ABHD17B: variants seen among roughly 807,000 people sequenced by gnomAD.
ABHD17B encodes the protein alpha/beta hydrolase domain-containing protein 17B.
In ABHD17B, 9 loss-of-function variants were observed where a neutral mutation model predicts 26.2. The ratio of observed to expected loss-of-function variants is 0.34; its 90% confidence interval spans 0.21 to 0.60. ABHD17B has a LOEUF of 0.60. Among genes scored for constraint, ABHD17B ranks in the 20% least tolerant of loss-of-function variants. The probability of loss-of-function intolerance (pLI) is 0.80; values close to 1 mark genes in which losing one functional copy is unlikely to be tolerated. For synonymous variants in ABHD17B, 127 were observed against 122.3 expected, an observed-to-expected ratio of 1.04 and a Z score of -0.25; for missense variants, 224 against 352.1, an observed-to-expected ratio of 0.64 and a Z score of 2.91.
chr9:71,889,924 T>TA (rs1277434023), intron 1 of ABHD17B, among the ~76,000 whole-genome samples: 2 of 151,960 alleles, frequency 1.3e-5, no homozygotes, highest in East Asian at 1.9e-4. Context: ...ACTCATTTTT[T>TA]AAAAAAATCC....
At chr9:71,864,761 T>C (rs1465582989), downstream of ABHD17B, among the ~76,000 whole-genome samples, 1 of 152,158 alleles carries the variant, frequency 6.6e-6, no homozygotes, top group East Asian at 1.9e-4. Context: ...CTTATCAAAA[T>C]AGTAATATTT....
intron 1 of ABHD17B, among the ~76,000 whole-genome samples, chr9:71,884,130 C>A (rs1015539228): frequency 6.6e-6 from 1 of 151,976 alleles, no homozygotes; most frequent in Non-Finnish European, 1.5e-5. Flanking sequence ...CTCAACCTCA[C>A]CAACTATCAG....
intron 1 of ABHD17B, among the ~76,000 whole-genome samples, chr9:71,886,806 C>T (rs958177981): frequency 2.0e-5 from 3 of 152,082 alleles, no homozygotes; most frequent in Non-Finnish European, 4.4e-5. Context: ...AAAAAGTCAG[C>T]TCTGCTTGAA....
intron 1 of ABHD17B, among the ~76,000 whole-genome samples, chr9:71,894,853 T>C (rs780013616): frequency 2.0e-5 from 3 of 152,154 alleles, no homozygotes; most frequent in Non-Finnish European, 2.9e-5. Context: ...CTTTTGATTG[T>C]ACAATTAATC....
intron 1 of ABHD17B, among the ~76,000 whole-genome samples, chr9:71,892,792 A>T (rs76754992): frequency 7.5e-6 from 1 of 132,508 alleles, no homozygotes; most frequent in Non-Finnish European, 1.7e-5. Flanking sequence ...TGTGTTTTTT[A>T]AATTATGGTA....
At chr9:71,897,020 C>G (rs1466362274) in intron 1 of ABHD17B, among the ~76,000 whole-genome samples, 3 of 152,096 alleles carry the variant, frequency 2.0e-5, no homozygotes, top group African/African-American at 7.2e-5. Context: ...ATGTTTAGGT[C>G]TCTCATTGGA....
chr9:71,878,380 T>C (rs533002664), intron 1 of ABHD17B, among the ~76,000 whole-genome samples: 4 of 152,078 alleles, frequency 2.6e-5, no homozygotes, highest in African/African-American at 7.2e-5. Flanking sequence ...TCACTATCCA[T>C]ACTATAGAAG....
chr9:71,901,045 A>C (rs1476830384), intron 1 of ABHD17B, among the ~76,000 whole-genome samples: 1 of 151,902 alleles, frequency 6.6e-6, no homozygotes, highest in East Asian at 2.0e-4. Context: ...CCAGCTACTC[A>C]GGAGGCTGAG....
Position 71,866,459 on chromosome 9 carries a change from A to G in ABHD17B, c.*328T>C. The G allele has an allele frequency of 9.8e-7, 1 of 1,016,708 alleles. No homozygotes were observed. The highest frequency in any genetic ancestry group is 8.0e-5 in the East Asian group (1 of 12,494). 63.0% of individuals were successfully genotyped at this position (1,016,708 alleles called of 1,614,324 possible). On this transcript the variant is annotated 3_prime_UTR_variant, in exon 4 of 4. Coordinates refer to ENST00000333421, the MANE Select transcript of ABHD17B (RefSeq NM_001025780.3). ...TGAGATGTTTTAAAAATATTTATAA[A>G]TTTGTTTCTAGTATGCAAAAGCATT...
chr9:71,864,213 CTTTTTTT>C (rs762446648), downstream of ABHD17B, among the ~76,000 whole-genome samples: 11 of 80,396 alleles, frequency 1.4e-4, no homozygotes, highest in East Asian at 8.6e-4. Flanking sequence ...GCCAAACTTT[CTTTTTTT>C]TTTTTTTTTT....
At chr9:71,909,350 C>G (rs946719732) in intron 1 of ABHD17B, among the ~76,000 whole-genome samples, 1 of 152,186 alleles carries the variant, frequency 6.6e-6, no homozygotes, top group Admixed American at 6.5e-5. Flanking sequence ...TTAAGTAACA[C>G]GACCCCTATT....
chr9:71,866,546 A>C lies in ABHD17B; in HGVS notation c.*241T>G, dbSNP rs1825960678. ...AAAATCTCATACAGTACTCATCTTG[A>C]TGTTAAAAAAAAATTCACAGAAAAA... On this transcript the variant is annotated 3_prime_UTR_variant, in exon 4 of 4. Transcript: ENST00000333421. The C allele has an allele frequency of 6.8e-6, 9 of 1,315,920 alleles. No individual in the cohort carries two copies. Among genetic ancestry groups the C allele is most frequent in the Middle Eastern group, 5.9e-4 (2 of 3,418 alleles). 81.5% of individuals were successfully genotyped at this position (1,315,920 alleles called of 1,614,324 possible).
intron 1 of ABHD17B, among the ~76,000 whole-genome samples, chr9:71,885,733 T>A (rs1210043839): frequency 6.6e-6 from 1 of 152,122 alleles, no homozygotes; most frequent in African/African-American, 2.4e-5. Context: ...ACCTACTGTA[T>A]CTCCTTCCTC....
At chr9:71,869,974 A>G (rs750988169) in intron 3 of ABHD17B, 109 bp downstream of exon 3, 6 of 984,950 alleles carry the variant, frequency 6.1e-6, no homozygotes, top group Non-Finnish European at 8.9e-6. Flanking sequence ...ATGTGCTAAT[A>G]TATATAAAAT....
At chr9:71,871,455 C>T (rs371143905) in intron 2 of ABHD17B, among the ~76,000 whole-genome samples, 4 of 152,128 alleles carry the variant, frequency 2.6e-5, no homozygotes, top group African/African-American at 7.2e-5. Flanking sequence ...TTACAACAGA[C>T]CTAGTTGCAC....
rs191103084 is a variant in ABHD17B, at chr9:71,892,402, G to A, written c.-3-17319C>T. Among the ~76,000 whole-genome samples the A allele has an allele frequency of 4.8e-3, 723 of 151,724 alleles. 3 individuals are homozygous for A. The highest frequency in any genetic ancestry group is 5.8e-3 in the Non-Finnish European group (394 of 67,888). On this transcript the variant is annotated intron_variant, in intron 1 of 3. Transcript: ENST00000333421. ...AAAAAAATTAGCCAGGCGTGGTGGC[G>A]GGCGCCTGTAGTCCCAGCTACTTGG...
chr9:71,903,543 A>G (rs182082878), intron 1 of ABHD17B, among the ~76,000 whole-genome samples: 8 of 152,328 alleles, frequency 5.3e-5, no homozygotes, highest in Non-Finnish European at 1.2e-4. Context: ...CTTCATCACA[A>G]AGATGACATA....
intron 1 of ABHD17B, among the ~76,000 whole-genome samples, chr9:71,876,027 G>A (rs1206327362): frequency 6.6e-6 from 1 of 152,174 alleles, no homozygotes; most frequent in East Asian, 1.9e-4. Context: ...CTATCACTTT[G>A]GTCACAGTGC....
At chr9:71,888,806 T>TA (rs1405453347) in intron 1 of ABHD17B, among the ~76,000 whole-genome samples, 1 of 152,046 alleles carries the variant, frequency 6.6e-6, no homozygotes, top group East Asian at 1.9e-4. Flanking sequence ...TCAATAAAGT[T>TA]AAAAAAACTT....
Sources: allele counts gnomAD v4.1 joint callset (sites outside exome capture counted in the v4.1 genomes callset), GRCh38; gene constraint gnomAD v4.1.1; transcripts MANE v1.5; gene names NCBI Gene and HGNC (gene_info 2026-07-23, HGNC 2026-07-21).